CNGB1: variants seen among roughly 807,000 people sequenced by gnomAD.
CNGB1 encodes the protein cyclic nucleotide-gated channel beta-1.
In CNGB1, 126 loss-of-function variants were observed where a neutral mutation model predicts 151.7. That is an observed-to-expected ratio of 0.83 (90% CI 0.72 to 0.96). The LOEUF (loss-of-function observed/expected upper bound fraction) is 0.96, where lower values mean the gene tolerates loss of function less well. Among genes scored for constraint, CNGB1 ranks in the 40% least tolerant of loss-of-function variants. The pLI, the probability that CNGB1 is intolerant of heterozygous loss-of-function variation, is 0.00. For synonymous variants in CNGB1, 623 were observed against 635.1 expected, an observed-to-expected ratio of 0.98 and a Z score of 0.29; for missense variants, 1,698 against 1,627.0, an observed-to-expected ratio of 1.04 and a Z score of -0.75.
chr16:57,960,033 T>C lies in CNGB1; in HGVS notation c.616A>G (p.Lys206Glu), dbSNP rs1962200558. Residue 206 changes from lysine (K) to glutamate (E), a missense_variant, in exon 10 of 33, where the codon AAG becomes GAG. Lys to Glu is a moderately conservative substitution (Grantham distance 56). Transcript: ENST00000251102. ...GAGGGGGTCTCCCGGGCCTGCAGCTTGGGCCCCATTTCCTGGGGGCGTCCT... is the reference window on the plus strand; with the variant it reads ...GAGGGGGTCTCCCGGGCCTGCAGCTCGGGCCCCATTTCCTGGGGGCGTCCT... ...PPGRPQEMGPKLQARETPSLP... is the reference protein window; with the variant it reads ...PPGRPQEMGPELQARETPSLP... The C allele has an allele frequency of 1.3e-6, 2 of 1,567,566 alleles. No individual in the cohort carries two copies. The highest frequency in any genetic ancestry group is 1.7e-6 in the Non-Finnish European group (2 of 1,159,566).
chr16:57,899,496 C>T lies in CNGB1; in HGVS notation c.2977-1582G>A, dbSNP rs1329898281. 5.3e-5 allele frequency among the ~76,000 whole-genome samples: 8 copies of T among 152,050 alleles called. No homozygotes were observed. The South Asian group carries it at 6.2e-4, about 12-fold the overall frequency. On this transcript the variant is annotated intron_variant, in intron 29 of 32. Transcript: ENST00000251102. Reference sequence around the variant, plus strand: ...CTTGACTAAAAATAAAAAAATGAGCCGGGCATGGTGGCATATGCCTGTAAT... The same window carrying T: ...CTTGACTAAAAATAAAAAAATGAGCTGGGCATGGTGGCATATGCCTGTAAT...
In CNGB1 at chr16:57,887,998, T is replaced by C. The variant is rs200181155; in HGVS notation, c.3319A>G (p.Lys1107Glu). The C allele has an allele frequency of 4.0e-5, 64 of 1,614,084 alleles. No homozygotes were observed. Among genetic ancestry groups the C allele is most frequent in the Non-Finnish European group, 5.3e-5 (63 of 1,180,044 alleles). ...ATAGCGAGGGCAGCGTTGAAGAGCTTTGGGGTGCCCGCCCGGGGTGGAAGG... is the reference window on the plus strand; with the variant it reads ...ATAGCGAGGGCAGCGTTGAAGAGCTCTGGGGTGCCCGCCCGGGGTGGAAGG... ...LILPPRAGTP[K>E]LFNAALAMTG... Residue 1107 changes from lysine to glutamate, a missense_variant, in exon 32 of 33, where the codon AAG (lysine) becomes GAG (glutamate). By Grantham distance (56) the Lys-to-Glu change is moderately conservative (BLOSUM62 1). Coordinates refer to ENST00000251102, the MANE Select transcript of CNGB1 (RefSeq NM_001297.5).
chr16:57,929,248 C>T (rs751054936), intron 17 of CNGB1, among the ~76,000 whole-genome samples: 2 of 152,156 alleles, frequency 1.3e-5, no homozygotes, highest in Non-Finnish European at 2.9e-5. Context: ...AAAAGCTACT[C>T]GACATCACTA....
chr16:57,889,068 A>G (rs1378673494), intron 31 of CNGB1, among the ~76,000 whole-genome samples: 2 of 152,118 alleles, frequency 1.3e-5, no homozygotes, highest in African/African-American at 4.8e-5. Flanking sequence ...AAACAATCGA[A>G]TACAACAAGG....
At chr16:57,884,541 T>G in intron 32 of CNGB1, 84 bp from the exon 33 acceptor site, 2 of 1,491,710 alleles carry the variant, frequency 1.3e-6, no homozygotes, top group Non-Finnish European at 1.8e-6. Context: ...TGTTCCAGCC[T>G]TTTTGGACCC....
intron 1 of CNGB1, among the ~76,000 whole-genome samples, chr16:57,970,449 C>T (rs1367353344): frequency 6.6e-6 from 1 of 152,194 alleles, no homozygotes; most frequent in African/African-American, 2.4e-5. Flanking sequence ...CCTGAAGCAG[C>T]ACAGCCGGCA....
intron 14 of CNGB1, among the ~76,000 whole-genome samples, chr16:57,945,702 G>A (rs1961789021): frequency 6.6e-6 from 1 of 152,216 alleles, no homozygotes; most frequent in African/African-American, 2.4e-5. Flanking sequence ...ACGCTTACTG[G>A]CAGGGCTCTG....
chr16:57,955,563 C>CA (rs1345140760), intron 12 of CNGB1, among the ~76,000 whole-genome samples: 1 of 152,170 alleles, frequency 6.6e-6, no homozygotes, highest in Non-Finnish European at 1.5e-5. Flanking sequence ...GTCCTAACCC[C>CA]ATTACTTGTG....
chr16:57,964,231 C>A (rs1962332477), intron 3 of CNGB1, 29 bp from the exon 4 acceptor site: 2 of 1,609,670 alleles, frequency 1.2e-6, no homozygotes, highest in Non-Finnish European at 1.7e-6. Flanking sequence ...TCCTTCAGAT[C>A]TAGGGCCTCA....
Position 57,959,971 on chromosome 16 carries a change from T to C in CNGB1, c.678A>G (p.Glu226=). The C allele has an allele frequency of 6.3e-7, 1 of 1,590,668 alleles. No individual in the cohort carries two copies. Among genetic ancestry groups the C allele is most frequent in the Non-Finnish European group, 8.6e-7 (1 of 1,168,040 alleles). The stretch of plus-strand genomic sequence containing the variant: ...GCTCTGGAGCTGGTGCCTCCTTGGG[T>C]TCCTCCTTGGGCTGCAGGGGGATGG... The part of the protein sequence containing the change: ...PTPIPLQPKE[E]PKEAPAPEPQ... The change falls in exon 10 of 33, where the codon GAA becomes GAG. Residue 226 remains glutamate, a synonymous_variant. Transcript: ENST00000251102.
In CNGB1 at chr16:57,916,118, C is replaced by A; in HGVS notation, c.2217+11G>T. The A allele has an allele frequency of 6.2e-7, 1 of 1,613,844 alleles. No individual in the cohort carries two copies. Among genetic ancestry groups the A allele is most frequent in the Non-Finnish European group, 8.5e-7 (1 of 1,179,848 alleles). On this transcript the variant is annotated intron_variant, in intron 22 of 32. Coordinates refer to ENST00000251102, the MANE Select transcript of CNGB1 (RefSeq NM_001297.5). ...CCCGCAGACGCTAAACCTTGCATGC[C>A]CGGCACACACCTTGAAGCGGCGAGA...
intron 25 of CNGB1, among the ~76,000 whole-genome samples, chr16:57,905,898 T>G (rs1277752911): frequency 6.6e-6 from 1 of 152,230 alleles, no homozygotes; most frequent in Non-Finnish European, 1.5e-5. Flanking sequence ...TTTCTGTTCT[T>G]TATAAGTTAC....
intron 1 of CNGB1, among the ~76,000 whole-genome samples, chr16:57,970,556 C>T (rs1223935068): frequency 2.0e-5 from 3 of 152,210 alleles, no homozygotes; most frequent in African/African-American, 4.8e-5. Context: ...TGGCCTCTTC[C>T]GCGGGCCAGG....
chr16:57,906,235 C>G (rs1273648621), intron 25 of CNGB1, among the ~76,000 whole-genome samples: 8 of 152,228 alleles, frequency 5.3e-5, no homozygotes, highest in Non-Finnish European at 7.3e-5. Context: ...CAGTTTCCTT[C>G]TCCATAAGAT....
In CNGB1 at chr16:57,917,563, C is replaced by T. The variant is rs1348519931; in HGVS notation, c.1958-87G>A. The T allele has an allele frequency of 5.7e-6, 7 of 1,237,494 alleles. No individual in the cohort carries two copies. In the Admixed American group the frequency reaches 1.2e-4, roughly 21 times the overall value. The allele number at this position is 1,237,494 out of a possible 1,614,324, so 76.7% of individuals were successfully genotyped here. ...ATCAGGTAGGGTTTTGTTCTTTCTACTCCTTCAACTACTACATGTGGCACT... is the reference window on the plus strand; with the variant it reads ...ATCAGGTAGGGTTTTGTTCTTTCTATTCCTTCAACTACTACATGTGGCACT... On this transcript the variant is annotated intron_variant, in intron 20 of 32. Transcript: ENST00000251102.
At chr16:57,969,248 G>A (rs1962481371) in intron 1 of CNGB1, among the ~76,000 whole-genome samples, 2 of 152,228 alleles carry the variant, frequency 1.3e-5, no homozygotes, top group Admixed American at 1.3e-4. Flanking sequence ...AGAGGTTGCA[G>A]TGAGCCGAGA....
chr16:57,955,947 G>A (rs184297889), intron 12 of CNGB1, among the ~76,000 whole-genome samples: 18 of 152,294 alleles, frequency 1.2e-4, no homozygotes, highest in Admixed American at 2.6e-4. Context: ...CCCAGTGTGC[G>A]CACATCTGTT....
intron 14 of CNGB1, among the ~76,000 whole-genome samples, chr16:57,947,763 G>A (rs1175318522): frequency 6.6e-6 from 1 of 152,166 alleles, no homozygotes; most frequent in Non-Finnish European, 1.5e-5. Flanking sequence ...AACGAAAAGA[G>A]GCCACTGGGG....
chr16:57,904,502 C>T (rs12923660), intron 26 of CNGB1, among the ~76,000 whole-genome samples: 5 of 152,266 alleles, frequency 3.3e-5, no homozygotes, highest in Admixed American at 6.5e-5. Context: ...CCAGTGCACC[C>T]GGAGGAACTG....
Sources: allele counts gnomAD v4.1 joint callset (sites outside exome capture counted in the v4.1 genomes callset), GRCh38; gene constraint gnomAD v4.1.1; transcripts MANE v1.5; gene names NCBI Gene and HGNC (gene_info 2026-07-23, HGNC 2026-07-21).